ADAMTSL3: variants seen among roughly 807,000 people sequenced by gnomAD.
The protein encoded by ADAMTSL3 is ADAMTS-like protein 3.
ADAMTSL3 carries 128 observed loss-of-function variants against 201.7 expected under a neutral mutation model. The ratio of observed to expected loss-of-function variants is 0.63; its 90% CI spans 0.55 to 0.73. ADAMTSL3 has a LOEUF of 0.73. Among genes scored for constraint, ADAMTSL3 ranks in the 30% least tolerant of loss-of-function variants. ADAMTSL3 has a pLI of 0.00. For synonymous variants in ADAMTSL3, 738 were observed against 748.4 expected (o/e 0.99, Z 0.23); for missense variants, 1,990 against 2,119.6 (o/e 0.94, Z 1.20).
chr15:83,907,138 G>A (rs538211616), intron 15 of ADAMTSL3, among the ~76,000 whole-genome samples: 1 of 149,994 alleles, frequency 6.7e-6, no homozygotes, highest in East Asian at 2.0e-4. Flanking sequence ...TTTTTAAAAG[G>A]AAAGTTTAAT....
intron 5 of ADAMTSL3, among the ~76,000 whole-genome samples, chr15:83,818,986 C>G (rs541071874): frequency 7.2e-5 from 11 of 152,016 alleles, no homozygotes; most frequent in Non-Finnish European, 1.3e-4. Context: ...TTAAAAACAA[C>G]GACAGGCCGG....
At chr15:83,676,507 T>A (rs567753544) in intron 2 of ADAMTSL3, among the ~76,000 whole-genome samples, 1 of 152,132 alleles carries the variant, frequency 6.6e-6, no homozygotes, top group Non-Finnish European at 1.5e-5. Flanking sequence ...TGAAACCCCG[T>A]CTCTGCTAAA....
At chr15:83,981,502 C>T (rs1567279571) in intron 20 of ADAMTSL3, among the ~76,000 whole-genome samples, 1 of 152,170 alleles carries the variant, frequency 6.6e-6, no homozygotes, top group African/African-American at 2.4e-5. Flanking sequence ...TTTTTACTTC[C>T]CTCCCATTGA....
chr15:83,670,491 C>CCACACA (rs144780752), intron 2 of ADAMTSL3, among the ~76,000 whole-genome samples: 1 of 150,428 alleles, frequency 6.6e-6, no homozygotes, highest in African/African-American at 2.4e-5. Flanking sequence ...TATATTATGA[C>CCACACA]CACACACACA....
intron 3 of ADAMTSL3, among the ~76,000 whole-genome samples, chr15:83,756,661 C>T (rs1004558430): frequency 1.3e-5 from 2 of 151,850 alleles, no homozygotes; most frequent in Non-Finnish European, 2.9e-5. Context: ...CAACAGTCCC[C>T]CAAGTCTTAA....
Position 84,039,166 on chromosome 15 carries a change from A to T in ADAMTSL3, c.*1360A>T, listed in dbSNP as rs1596567078. On this transcript the variant is annotated 3_prime_UTR_variant, in exon 30 of 30. Transcript: ENST00000286744. ...GGCACACAAGTCCAAATAAGTGGTC[A>T]TACTTCTTTATTCAGGGTCTCAGCT... 1 of 152,638 alleles carries T rather than the reference A, an allele frequency of 6.6e-6. No homozygotes were observed. The highest frequency in any genetic ancestry group is 1.9e-4 in the East Asian group (1 of 5,194). The allele number at this position is 152,638 out of a possible 1,614,324, so 9.5% of individuals were successfully genotyped here. A position where few individuals can be genotyped will look rare whatever the true frequency, so the allele number is the denominator to read the frequency against.
chr15:83,998,318 G>T (rs1255766555), intron 23 of ADAMTSL3, among the ~76,000 whole-genome samples: 1 of 152,200 alleles, frequency 6.6e-6, no homozygotes, highest in East Asian at 1.9e-4. Context: ...GCATAGTGGT[G>T]CATGCCTGTA....
intron 20 of ADAMTSL3, among the ~76,000 whole-genome samples, chr15:83,976,802 T>A (rs2067296168): frequency 6.6e-6 from 1 of 152,134 alleles, no homozygotes; most frequent in Non-Finnish European, 1.5e-5. Flanking sequence ...CTTACTCACC[T>A]CCTGCTGTGA....
intron 2 of ADAMTSL3, among the ~76,000 whole-genome samples, chr15:83,669,435 C>T (rs1469278332): frequency 7.0e-6 from 1 of 142,830 alleles, no homozygotes; most frequent in Non-Finnish European, 1.5e-5. Context: ...TGAGCCACTG[C>T]ACCTGGCCGG....
chr15:83,769,244 A>G (rs530114646), intron 3 of ADAMTSL3, among the ~76,000 whole-genome samples: 1 of 152,284 alleles, frequency 6.6e-6, no homozygotes, highest in East Asian at 1.9e-4. Context: ...ATATATGATG[A>G]TGTTTTTCAA....
intron 19 of ADAMTSL3, chr15:83,945,675 G>A (rs2078515310): frequency 6.6e-6 from 1 of 152,158 alleles, no homozygotes. Context: ...CAGAAGGAAG[G>A]GCCACAATTT....
At chr15:83,908,723 C>T (rs1182149608) in intron 15 of ADAMTSL3, among the ~76,000 whole-genome samples, 1 of 152,138 alleles carries the variant, frequency 6.6e-6, no homozygotes. Flanking sequence ...GTTTTGTTAG[C>T]CAGGTGTATT....
chr15:83,737,422 A>G (rs982981323), intron 3 of ADAMTSL3, among the ~76,000 whole-genome samples: 27 of 152,276 alleles, frequency 1.8e-4, no homozygotes, highest in African/African-American at 6.3e-4. Flanking sequence ...TGGTCTCATG[A>G]CAGTGAGTTC....
At chr15:83,701,464 A>T (rs780616230) in intron 2 of ADAMTSL3, among the ~76,000 whole-genome samples, 2 of 152,152 alleles carry the variant, frequency 1.3e-5, no homozygotes, top group African/African-American at 4.8e-5. Flanking sequence ...AGTGATTCAG[A>T]TGCCAGGTAA....
At chr15:83,907,323 C>A (rs573727258) in intron 15 of ADAMTSL3, among the ~76,000 whole-genome samples, 1 of 152,196 alleles carries the variant, frequency 6.6e-6, no homozygotes, top group African/African-American at 2.4e-5. Context: ...TAATTTTTAT[C>A]ATAAACATCT....
intron 15 of ADAMTSL3, among the ~76,000 whole-genome samples, chr15:83,902,286 G>T (rs1471553): frequency 0.63 from 95,272 of 151,904 alleles, 30,963 homozygotes; most frequent in African/African-American, 0.79. Context: ...TTTTTGTTTT[G>T]TTGAAACAGA....
Position 83,658,883 on chromosome 15 carries a change from CA to C in ADAMTSL3, c.69+3054del, listed in dbSNP as rs2061127671. Among the ~76,000 whole-genome samples, 3 of 152,070 alleles carry C rather than the reference CA, an allele frequency of 2.0e-5. No homozygotes were observed. In the South Asian group the frequency reaches 6.2e-4, roughly 32 times the overall value. ...TGCCCCCCCTTTTTTTTCTCTTGCC[CA>C]TGAGAAGAATAAACAGCCTTATCTG... On this transcript the variant is annotated intron_variant, in intron 2 of 29. Transcript: ENST00000286744.
intron 8 of ADAMTSL3, among the ~76,000 whole-genome samples, chr15:83,866,322 T>G (rs564936857): frequency 6.6e-6 from 1 of 152,132 alleles, no homozygotes; most frequent in Non-Finnish European, 1.5e-5. Flanking sequence ...ATGTTTATTG[T>G]GGCACTATTC....
chr15:83,923,605 A>T (rs1490749443), intron 16 of ADAMTSL3, among the ~76,000 whole-genome samples: 1 of 152,222 alleles, frequency 6.6e-6, no homozygotes, highest in Non-Finnish European at 1.5e-5. Flanking sequence ...TGGAATGCAG[A>T]TAAGTCCAAG....
Sources: allele counts gnomAD v4.1 joint callset (sites outside exome capture counted in the v4.1 genomes callset), GRCh38; gene constraint gnomAD v4.1.1; transcripts MANE v1.5; gene names NCBI Gene and HGNC (gene_info 2026-07-23, HGNC 2026-07-21).